The following TENM3 variants were observed in gnomAD, a reference collection of about 807,000 sequenced individuals.
TENM3 encodes the protein teneurin transmembrane protein 3.
Under a neutral mutation model 255.1 loss-of-function variants are expected in TENM3, and 63 were observed. The observed-to-expected ratio is 0.25, with a 90% CI of 0.20 to 0.30. The LOEUF is 0.30. Ranked by LOEUF, TENM3 falls within the 10% of genes least tolerant of loss-of-function variation. The pLI, the probability that TENM3 is intolerant of heterozygous loss-of-function variation, is 1.00. For synonymous variants in TENM3, 1,306 were observed against 1,322.3 expected (o/e 0.99, Z 0.27); for missense variants, 2,929 against 3,461.1 (o/e 0.85, Z 3.86).
At chr4:181,840,668 T>C in the TENM3 span, among the ~76,000 whole-genome samples, 113 of 152,206 alleles carry the variant, frequency 7.4e-4, no homozygotes, top group African/African-American at 2.6e-3. Context: ...CAGGGGGTTA[T>C]TTTTCATTTC....
intron 1 of TENM3, among the ~76,000 whole-genome samples, chr4:182,258,079 C>G (rs1016295678): frequency 2.6e-5 from 4 of 151,724 alleles, no homozygotes; most frequent in Non-Finnish European, 5.9e-5. Flanking sequence ...TAGATATATA[C>G]ACACATAAAA....
chr4:182,602,551 G>A (rs1013331162), intron 4 of TENM3, among the ~76,000 whole-genome samples: 1 of 152,112 alleles, frequency 6.6e-6, no homozygotes, highest in Non-Finnish European at 1.5e-5. Context: ...CTAAGAACAA[G>A]GTTCTAAAGA....
At chr4:182,293,939 CTCG>C (rs1761292132) in intron 1 of TENM3, among the ~76,000 whole-genome samples, 1 of 151,950 alleles carries the variant, frequency 6.6e-6, no homozygotes, top group Non-Finnish European at 1.5e-5. Context: ...ACCCAAATGC[CTCG>C]ACAATGACAA....
chr4:181,836,892 C>T, the TENM3 span, among the ~76,000 whole-genome samples: 4 of 152,050 alleles, frequency 2.6e-5, no homozygotes, highest in Non-Finnish European at 4.4e-5. Context: ...TTTACTAATC[C>T]ATGAATATGG....
At chr4:182,397,681 T>TCA (rs1768937403) in intron 3 of TENM3, among the ~76,000 whole-genome samples, 1 of 152,112 alleles carries the variant, frequency 6.6e-6, no homozygotes, top group Non-Finnish European at 1.5e-5. Context: ...CCTCACAATA[T>TCA]CATGCGCTAA....
At chr4:182,488,025 T>C (rs1366874539) in intron 3 of TENM3, among the ~76,000 whole-genome samples, 1 of 152,156 alleles carries the variant, frequency 6.6e-6, no homozygotes, top group Non-Finnish European at 1.5e-5. Context: ...ATACAGATGA[T>C]GAGGAAGTGC....
Position 182,680,596 on chromosome 4 carries a change from C to T in TENM3, c.1693C>T (p.Leu565=). Residue 565 remains leucine, a synonymous_variant, in exon 10 of 28, where the codon CTG becomes TTG. Coordinates refer to ENST00000511685, the MANE Select transcript of TENM3 (RefSeq NM_001080477.4). The part of the protein sequence containing the change: ...GNGQYSKGRC[L]CFSGWKGTEC... ...CGGGCAGTACTCCAAGGGCCGCTGC[C>T]TGTGTTTCAGCGGCTGGAAGGGCAC... is the stretch of plus-strand genomic sequence containing the variant. The T allele has an allele frequency of 6.2e-7, 1 of 1,613,840 alleles. No homozygotes were observed. Among genetic ancestry groups the T allele is most frequent in the Non-Finnish European group, 8.5e-7 (1 of 1,179,874 alleles).
the TENM3 span, among the ~76,000 whole-genome samples, chr4:181,456,933 T>A: frequency 0.028 from 4,182 of 151,902 alleles, 329 homozygotes; most frequent in East Asian, 0.23. Context: ...CCCTATATAG[T>A]TCACCTCTTT....
intron 22 of TENM3, chr4:182,772,505 A>G (rs1017907071): frequency 6.6e-6 from 1 of 151,656 alleles, no homozygotes; most frequent in African/African-American, 2.4e-5. Context: ...ACCCTTTAGT[A>G]TATTGTGGTC....
chr4:182,418,969 G>A (rs1770592322), intron 3 of TENM3, among the ~76,000 whole-genome samples: 2 of 152,268 alleles, frequency 1.3e-5, no homozygotes, highest in Non-Finnish European at 1.5e-5. Context: ...AGGGTTATGA[G>A]TGGATACGAC....
At chr4:182,351,286 A>G (rs889197257) in intron 3 of TENM3, among the ~76,000 whole-genome samples, 1 of 152,168 alleles carries the variant, frequency 6.6e-6, no homozygotes, top group African/African-American at 2.4e-5. Flanking sequence ...AACATGTAAT[A>G]AAGTTAGTTT....
chr4:181,550,300 A>T, the TENM3 span, among the ~76,000 whole-genome samples: 117 of 152,322 alleles, frequency 7.7e-4, no homozygotes, highest in Middle Eastern at 0.014. Context: ...AAGATTCTCT[A>T]CTTTGATCAT....
chr4:181,765,118 A>C, the TENM3 span, among the ~76,000 whole-genome samples: 1 of 152,166 alleles, frequency 6.6e-6, no homozygotes, highest in Non-Finnish European at 1.5e-5. Flanking sequence ...TTTTTCCTAC[A>C]CTATTTGATT....
chr4:182,461,438 T>C (rs9312297), intron 3 of TENM3, among the ~76,000 whole-genome samples: 121,954 of 152,116 alleles, frequency 0.8, 49,585 homozygotes, highest in East Asian at 0.95. Context: ...GAAGATAAGG[T>C]TAGAAAAGTG....
At chr4:181,814,620 A>G in the TENM3 span, among the ~76,000 whole-genome samples, 1 of 151,628 alleles carries the variant, frequency 6.6e-6, no homozygotes, top group South Asian at 2.1e-4. Flanking sequence ...GCATGCAACA[A>G]TTACAAAAAT....
At chr4:182,524,144 A>G (rs1304755896) in intron 3 of TENM3, among the ~76,000 whole-genome samples, 1 of 152,170 alleles carries the variant, frequency 6.6e-6, no homozygotes, top group Non-Finnish European at 1.5e-5. Flanking sequence ...TTAGAAGACA[A>G]TAGTTGCTGA....
intron 3 of TENM3, among the ~76,000 whole-genome samples, chr4:182,410,639 T>C (rs1344104818): frequency 6.6e-6 from 1 of 152,164 alleles, no homozygotes; most frequent in Non-Finnish European, 1.5e-5. Context: ...TTAGCATCAG[T>C]GCCACATGAA....
chr4:182,705,717 T>C (rs1282848319), intron 12 of TENM3, among the ~76,000 whole-genome samples: 2 of 152,192 alleles, frequency 1.3e-5, no homozygotes, highest in Non-Finnish European at 2.9e-5. Flanking sequence ...ATATACTCCT[T>C]AGACCTCATT....
At position 182,730,443 on chromosome 4, in the gene TENM3, A is replaced by T. The variant is rs60528592; in HGVS notation, c.2705+124A>T. The T allele has an allele frequency of 2.8e-6, 3 of 1,076,778 alleles. No homozygotes were observed. In the Admixed American group the frequency reaches 7.1e-5, roughly 26 times the overall value. 66.7% of individuals were successfully genotyped at this position (1,076,778 alleles called of 1,614,324 possible). On this transcript the variant is annotated intron_variant, in intron 15 of 27. Transcript: ENST00000511685. ...AATGCAGCAACTTTTTAGACTCTACAAACTTGTGACAGTACATATGGCAGA... is the reference window on the plus strand; with the variant it reads ...AATGCAGCAACTTTTTAGACTCTACTAACTTGTGACAGTACATATGGCAGA...
Sources: allele counts gnomAD v4.1 joint callset (sites outside exome capture counted in the v4.1 genomes callset), GRCh38; gene constraint gnomAD v4.1.1; transcripts MANE v1.5; gene names NCBI Gene and HGNC (gene_info 2026-07-23, HGNC 2026-07-21).